Variants in SPTB observed in about 807,000 individuals in gnomAD.
The protein encoded by SPTB is spectrin beta chain, erythrocytic.
In SPTB, 45 loss-of-function variants were observed where a neutral mutation model predicts 256.2. The ratio of observed to expected loss-of-function variants is 0.18; its 90% CI spans 0.14 to 0.23. SPTB has a LOEUF of 0.23. SPTB is among the 10% of genes least tolerant of loss of function. SPTB has a pLI of 1.00. For synonymous variants in SPTB, 1,231 were observed against 1,243.1 expected (o/e 0.99, Z 0.21); for missense variants, 2,715 against 3,040.4 (o/e 0.89, Z 2.52).
Position 64,859,718 on chromosome 14 carries a change from C to CTA in SPTB, c.-52+20073_-52+20074insTA, listed in dbSNP as rs1487891313. The stretch of plus-strand genomic sequence containing the variant: ...TGTCTCTCTCTCTCTCTCTCTCTCT[C>CTA]TCTATATATATATATATATGCATAT... On this transcript the variant is annotated intron_variant, in intron 1 of 35. Coordinates refer to ENST00000644917, the MANE Select transcript of SPTB (RefSeq NM_001355436.2). 5.2e-3 allele frequency among the ~76,000 whole-genome samples: 102 copies of CTA among 19,488 alleles called. 1 individual carries two copies. The highest frequency in any genetic ancestry group is 0.052 in the East Asian group (91 of 1,760). 12.8% of individuals were successfully genotyped at this position (19,488 alleles called of 152,430 possible).
rs1175912540 is a variant in SPTB at position 64,748,419 on chromosome 14, G to A, written c.*887C>T. ...AGTGGGGCGAGGGTCCCAGCATTGA[G>A]AGGGAGAGCCTTAGGCAGTGTTGTG... On this transcript the variant is annotated 3_prime_UTR_variant, in exon 36 of 36. Transcript: ENST00000644917. 2 of 152,398 alleles carry A rather than the reference G, an allele frequency of 1.3e-5. No homozygotes were observed. Among genetic ancestry groups the A allele is most frequent in the Non-Finnish European group, 2.9e-5 (2 of 68,188 alleles). The allele number at this position is 152,398 out of a possible 1,614,324, so 9.4% of individuals were successfully genotyped here. A position where few individuals can be genotyped will look rare whatever the true frequency, so the allele number is the denominator to read the frequency against.
rs144051169 is a variant in SPTB, at chr14:64,753,643, G to C, written c.6496C>G (p.Pro2166Ala). ...LDTPLSEGDE[P>A]ATLPAPRDHG... Reference sequence around the variant, plus strand: ...TCCCGCGGGGCCGGCAGCGTTGCGGGCTCATCACCCTCGCTCAGAGGCGTA... The same window carrying C: ...TCCCGCGGGGCCGGCAGCGTTGCGGCCTCATCACCCTCGCTCAGAGGCGTA... Residue 2166 changes from proline to alanine, a missense_variant, in exon 33 of 36, where the codon CCC becomes GCC. Around this residue, in one of 4 missense-constraint regions of SPTB, gnomAD observed 2,239 missense variants for 2,384.4 expected, o/e 0.94. Coordinates refer to ENST00000644917, the MANE Select transcript of SPTB (RefSeq NM_001355436.2). 366 of 1,613,672 alleles carry C rather than the reference G, an allele frequency of 2.3e-4. No homozygotes were observed. The African/African-American group carries it at 4.3e-3, about 19-fold the overall frequency.
Position 64,771,658 on chromosome 14 carries a change from C to T in SPTB, c.5554-529G>A, listed in dbSNP as rs149833079. On this transcript the variant is annotated intron_variant, in intron 26 of 35. Coordinates refer to ENST00000644917, the MANE Select transcript of SPTB (RefSeq NM_001355436.2). ...TCCAAGGAAGTGGTTGCACCAGATCCCCTGATTGAGGCTGGCCCTGGGGAC... is the reference window on the plus strand; with the variant it reads ...TCCAAGGAAGTGGTTGCACCAGATCTCCTGATTGAGGCTGGCCCTGGGGAC... Among the ~76,000 whole-genome samples the T allele has an allele frequency of 7.9e-5, 12 of 152,224 alleles. No homozygotes were observed. In the East Asian group the frequency reaches 1.9e-3, roughly 24 times the overall value.
rs1395672889 is a variant in SPTB at position 64,824,479 on chromosome 14, T to C, written c.-51-1334A>G. Among the ~76,000 whole-genome samples the C allele has an allele frequency of 6.6e-6, 1 of 152,168 alleles. No individual in the cohort carries two copies. The highest frequency in any genetic ancestry group is 1.5e-5 in the Non-Finnish European group (1 of 68,024). On this transcript the variant is annotated intron_variant, in intron 1 of 35. Coordinates refer to ENST00000644917, the MANE Select transcript of SPTB (RefSeq NM_001355436.2). This position sits in a 1 kb window ranked among gnomAD's most constrained non-coding sequence, Gnocchi z 5.7. ...CTAGGAAAACTATTAGCTTTCTTCA[T>C]CTGTACCTGACATTTGGTCCTCTTT...
At chr14:64,835,139 T>C (rs2083504178) in intron 1 of SPTB, among the ~76,000 whole-genome samples, 1 of 152,206 alleles carries the variant, frequency 6.6e-6, no homozygotes, top group Non-Finnish European at 1.5e-5. Context: ...CTGGCCGGCA[T>C]GCCTAGCCTG....
chr14:64,789,922 G>A (rs2082640861), intron 15 of SPTB, among the ~76,000 whole-genome samples: 1 of 152,172 alleles, frequency 6.6e-6, no homozygotes, highest in African/African-American at 2.4e-5. Flanking sequence ...AGAGGCATGA[G>A]GCGACACTGG....
Position 64,784,307 on chromosome 14 carries a change from C to G in SPTB, c.3942G>C (p.Lys1314Asn). The G allele has an allele frequency of 6.2e-7, 1 of 1,614,218 alleles. No homozygotes were observed. Among genetic ancestry groups the G allele is most frequent in the Non-Finnish European group, 8.5e-7 (1 of 1,180,048 alleles). Residue 1314 changes from lysine to asparagine, a missense_variant, in exon 19 of 36, where the codon AAG becomes AAC. Lys to Asn is a moderately conservative substitution (Grantham distance 94). This residue lies in a region of SPTB where 2,239 missense variants were observed against 2,384.4 expected (regional missense o/e 0.94). Coordinates refer to ENST00000644917, the MANE Select transcript of SPTB (RefSeq NM_001355436.2). ...CCAGCTCTGCCACAAACGCCTGGTG[C>G]TTTAGCCATTTATTGTGAAGGTTTC... ...EARNLHNKWL[K>N]HQAFVAELAS...
At chr14:64,776,084 T>C (rs1487285878) in intron 22 of SPTB, among the ~76,000 whole-genome samples, 1 of 152,166 alleles carries the variant, frequency 6.6e-6, no homozygotes, top group Non-Finnish European at 1.5e-5. Context: ...GTGTTACTTG[T>C]TTTCTGGGTC....
At chr14:64,821,157 G>C (rs917414333) in intron 2 of SPTB, among the ~76,000 whole-genome samples, 11 of 152,122 alleles carry the variant, frequency 7.2e-5, no homozygotes, top group African/African-American at 2.4e-4. Context: ...GATTTTCCTT[G>C]CATCTCTTCC....
intron 1 of SPTB, among the ~76,000 whole-genome samples, chr14:64,867,566 T>C (rs564933534): frequency 9.9e-5 from 15 of 152,260 alleles, no homozygotes; most frequent in African/African-American, 3.1e-4. Flanking sequence ...TAAGAGTTCA[T>C]GGCTGTGCTG....
chr14:64,795,393 G>C lies in SPTB; in HGVS notation c.1588C>G (p.Leu530Val), dbSNP rs780802539. Residue 530 changes from leucine to valine, a missense_variant, in exon 12 of 36, where the codon CTG (leucine) becomes GTG (valine). Physicochemically the swap from Leu to Val is conservative, Grantham distance 32 (BLOSUM62 1). Transcript: ENST00000644917. This position sits in a 1 kb window ranked among gnomAD's most constrained non-coding sequence, Gnocchi z 6.5. ...RRQRLETTLALQKLFQDMLHS... is the reference protein window; with the variant it reads ...RRQRLETTLAVQKLFQDMLHS... The stretch of plus-strand genomic sequence containing the variant: ...AGCATGTCCTGGAAGAGCTTCTGCA[G>C]TGCCAGGGTGGTCTCGAGCCTCTGG... 1 of 1,614,018 alleles carries C rather than the reference G, an allele frequency of 6.2e-7. No homozygotes were observed. Among genetic ancestry groups the C allele is most frequent in the South Asian group, 1.1e-5 (1 of 91,078 alleles).
At chr14:64,797,456 G>GAC (rs111878221) in intron 10 of SPTB, among the ~76,000 whole-genome samples, 14 of 101,480 alleles carry the variant, frequency 1.4e-4, no homozygotes, top group African/African-American at 5.6e-4. Context: ...GACAGAGTGA[G>GAC]ACCCTGTCTC....
chr14:64,820,283 G>A (rs944889191), intron 2 of SPTB, among the ~76,000 whole-genome samples: 1 of 152,138 alleles, frequency 6.6e-6, no homozygotes, highest in Non-Finnish European at 1.5e-5. Context: ...GGGAAAAAAA[G>A]TCAAGACGTT....
In SPTB at chr14:64,825,445, C is replaced by T. The variant is rs1293562707; in HGVS notation, c.-51-2300G>A. The stretch of plus-strand genomic sequence containing the variant: ...TGGGCAACGATAGCCGGGAAAGATA[C>T]CCCCCACCCCCGGCCCCACACCTTT... On this transcript the variant is annotated intron_variant, in intron 1 of 35. Transcript: ENST00000644917. This position sits in a 1 kb window ranked among gnomAD's most constrained non-coding sequence, Gnocchi z 4.8. 6.6e-6 allele frequency among the ~76,000 whole-genome samples: 1 copy of T among 151,518 alleles called. No homozygotes were observed. The highest frequency in any genetic ancestry group is 2.1e-4 in the South Asian group (1 of 4,786).
rs1232681154 is a variant in SPTB at position 64,771,058 on chromosome 14, C to T, written c.5625G>A (p.Gln1875=). ...AYAGEKAEAI[Q]NKEQEVSAAW... ...CGGCAGACACCTCCTGCTCCTTGTT[C>T]TGGATGGCCTCTGCCTTCTCCCCAG... Residue 1875 remains glutamine (Q), a synonymous_variant, in exon 27 of 36, where the codon CAG becomes CAA. Transcript: ENST00000644917. 1 of 1,614,184 alleles carries T rather than the reference C, an allele frequency of 6.2e-7. No individual in the cohort carries two copies. Among genetic ancestry groups the T allele is most frequent in the Non-Finnish European group, 8.5e-7 (1 of 1,180,046 alleles).
Position 64,778,855 on chromosome 14 carries a change from A to G in SPTB, c.4563+302T>C, listed in dbSNP as rs760193693. Among the ~76,000 whole-genome samples, 1 of 151,982 alleles carries G rather than the reference A, an allele frequency of 6.6e-6. No homozygotes were observed. The highest frequency in any genetic ancestry group is 1.5e-5 in the Non-Finnish European group (1 of 67,984). On this transcript the variant is annotated intron_variant, in intron 22 of 35. Transcript: ENST00000644917. This position sits in a 1 kb window ranked among gnomAD's most constrained non-coding sequence, Gnocchi z 5.2. ...ACCGAATACACAGCTACTGAAGCAC[A>G]TCAACCTCCAGGCCAGGCCCCCGAG...
At chr14:64,756,067 G>A (rs2082012880) in intron 32 of SPTB, 1 of 152,256 alleles carries the variant, frequency 6.6e-6, no homozygotes, top group African/African-American at 2.4e-5. Flanking sequence ...TTAGACAAAG[G>A]TGGAGACTTG....
At chr14:64,822,892 T>A in intron 2 of SPTB, 55 bp downstream of exon 2, 1 of 1,609,530 alleles carries the variant, frequency 6.2e-7, no homozygotes, top group South Asian at 1.1e-5. Flanking sequence ...TGGGGAGGGC[T>A]GTGAACCTTG....
At position 64,765,039 on chromosome 14, in the gene SPTB, T is replaced by TGCGC. The variant is rs1456293666; in HGVS notation, c.6345+1686_6345+1687insGCGC. Among the ~76,000 whole-genome samples, 3 of 111,676 alleles carry TGCGC rather than the reference T, an allele frequency of 2.7e-5. No individual in the cohort carries two copies. In the South Asian group the frequency reaches 1.0e-3, roughly 38 times the overall value. 73.3% of individuals were successfully genotyped at this position (111,676 alleles called of 152,430 possible). A position where few individuals can be genotyped will look rare whatever the true frequency, so the allele number is the denominator to read the frequency against. ...AGGAGTGTGTGCGTGTGTGTGTGTG[T>TGCGC]GTGCGCGCGCGCGCGCGGGTGGTGG... On this transcript the variant is annotated intron_variant, in intron 32 of 35. Coordinates refer to ENST00000644917, the MANE Select transcript of SPTB (RefSeq NM_001355436.2).
Sources: gnomAD v4.1 joint callset for allele counts (sites outside exome capture counted in the v4.1 genomes callset) on GRCh38, gnomAD v4.1.1 for gene constraint, gnomAD v4.1.1 regional missense constraint, Gnocchi (gnomAD v3.1) non-coding constraint, MANE v1.5 for transcripts, NCBI Gene and HGNC (gene_info 2026-07-23, HGNC 2026-07-21) for gene names.